Variants in TRPM3 observed in about 807,000 individuals in gnomAD.
TRPM3 encodes the protein long transient receptor potential channel 3.
Under a neutral mutation model 181.2 loss-of-function variants are expected in TRPM3, and 77 were observed. That is an observed-to-expected ratio of 0.42 (90% CI 0.35 to 0.51). TRPM3 has a LOEUF of 0.51. Ranked by LOEUF, TRPM3 falls within the 20% of genes least tolerant of loss-of-function variation. The pLI is 0.01. For missense variants in TRPM3, 1,759 were observed against 2,196.7 expected (o/e 0.80, Z 3.98); for synonymous variants, 745 against 796.4 (o/e 0.94, Z 1.09).
intron 1 of TRPM3, among the ~76,000 whole-genome samples, chr9:71,376,798 C>A (rs977157404): frequency 3.9e-5 from 6 of 152,074 alleles, no homozygotes; most frequent in African/African-American, 1.4e-4. Context: ...TTTCTGTTCA[C>A]AAATGCACAG....
chr9:70,683,336 C>A (rs2065925741), intron 8 of TRPM3, among the ~76,000 whole-genome samples: 1 of 151,722 alleles, frequency 6.6e-6, no homozygotes, highest in South Asian at 2.1e-4. Context: ...CCTTCCACTT[C>A]AGCCTCCTGA....
intron 1 of TRPM3, among the ~76,000 whole-genome samples, chr9:71,326,117 A>G (rs1374737562): frequency 2.0e-5 from 3 of 152,242 alleles, no homozygotes; most frequent in Non-Finnish European, 4.4e-5. Context: ...TGAAAGCCTT[A>G]AAATACGGGC....
intron 1 of TRPM3, among the ~76,000 whole-genome samples, chr9:71,077,314 C>T (rs1395952291): frequency 6.6e-6 from 1 of 152,162 alleles, no homozygotes. Context: ...CAAAGCCCAT[C>T]CTCCCTCCAA....
intron 25 of TRPM3, 62 bp from the exon 26 acceptor site, chr9:70,537,467 G>A: frequency 7.2e-7 from 1 of 1,380,094 alleles, no homozygotes; most frequent in Non-Finnish European, 9.4e-7. Context: ...GCTTTAGAGA[G>A]CAAGGATAAA....
At chr9:70,966,962 C>T (rs188381805) in intron 1 of TRPM3, among the ~76,000 whole-genome samples, 1 of 152,026 alleles carries the variant, frequency 6.6e-6, no homozygotes, top group Admixed American at 6.6e-5. Context: ...ATTTAATATA[C>T]TTAATATATA....
intron 8 of TRPM3, among the ~76,000 whole-genome samples, chr9:70,695,817 T>C (rs534758918): frequency 4.0e-4 from 61 of 152,188 alleles, no homozygotes; most frequent in Non-Finnish European, 6.5e-4. Flanking sequence ...CTGATGACCT[T>C]GACGCCGGAG....
chr9:70,624,950 AG>A (rs2064270348), intron 14 of TRPM3, among the ~76,000 whole-genome samples: 1 of 152,230 alleles, frequency 6.6e-6, no homozygotes, highest in African/African-American at 2.4e-5. Context: ...CATAGATAAA[AG>A]CTCCTTGAGG....
intron 1 of TRPM3, among the ~76,000 whole-genome samples, chr9:70,892,603 T>C (rs2096223893): frequency 7.6e-6 from 1 of 132,432 alleles, no homozygotes; most frequent in African/African-American, 3.2e-5. Context: ...ATTTACCCGT[T>C]TGACCTCAAA....
intron 7 of TRPM3, among the ~76,000 whole-genome samples, chr9:70,771,875 G>C (rs1393615931): frequency 6.6e-6 from 1 of 152,100 alleles, no homozygotes; most frequent in Non-Finnish European, 1.5e-5. Flanking sequence ...TATGGATTGT[G>C]TTTATTACTT....
At chr9:71,343,165 T>A (rs564875826) in intron 1 of TRPM3, among the ~76,000 whole-genome samples, 3 of 152,158 alleles carry the variant, frequency 2.0e-5, no homozygotes, top group South Asian at 2.1e-4. Flanking sequence ...GTATATTTTT[T>A]AAGTATAATT....
intron 1 of TRPM3, among the ~76,000 whole-genome samples, chr9:71,317,666 AAT>A (rs909032593): frequency 6.1e-5 from 6 of 97,750 alleles, no homozygotes; most frequent in South Asian, 7.6e-4. Context: ...AAAAAGAAAA[AAT>A]ATATATATAT....
chr9:70,928,976 T>G (rs2133382766), intron 1 of TRPM3, among the ~76,000 whole-genome samples: 1 of 152,266 alleles, frequency 6.6e-6, no homozygotes, highest in African/African-American at 2.4e-5. Context: ...TGAGAATTAT[T>G]ATGATTCCCA....
intron 1 of TRPM3, among the ~76,000 whole-genome samples, chr9:71,096,250 TGA>T (rs1376002749): frequency 6.7e-6 from 1 of 149,246 alleles, no homozygotes; most frequent in Non-Finnish European, 1.5e-5. Context: ...GCATAGACTG[TGA>T]GTCCCTCTTA....
At chr9:70,809,194 T>C (rs527982911) in intron 6 of TRPM3, among the ~76,000 whole-genome samples, 1 of 152,318 alleles carries the variant, frequency 6.6e-6, no homozygotes, top group East Asian at 1.9e-4. Context: ...CTAAGTATTA[T>C]TGCAAAATAG....
chr9:71,284,077 G>T (rs957027173), intron 1 of TRPM3, among the ~76,000 whole-genome samples: 1 of 151,686 alleles, frequency 6.6e-6, no homozygotes, highest in Non-Finnish European at 1.5e-5. Context: ...TAACCTTTGT[G>T]GTCCTTAGTG....
intron 1 of TRPM3, among the ~76,000 whole-genome samples, chr9:71,051,351 A>T (rs1454634844): frequency 6.6e-6 from 1 of 152,172 alleles, no homozygotes; most frequent in Non-Finnish European, 1.5e-5. Context: ...ACTAAATCAC[A>T]TTCATTATCT....
At chr9:71,174,080 C>T (rs762398631) in intron 1 of TRPM3, among the ~76,000 whole-genome samples, 20 of 151,892 alleles carry the variant, frequency 1.3e-4, no homozygotes, top group East Asian at 5.8e-4. Flanking sequence ...TATGTCTGTA[C>T]GAGTATTTAT....
In TRPM3 at chr9:71,221,291, G is replaced by C. The variant is rs142987047; in HGVS notation, c.183+225362C>G. Among the ~76,000 whole-genome samples the C allele has an allele frequency of 4.6e-4, 70 of 152,276 alleles. 1 individual carries two copies. Among genetic ancestry groups the C allele is most frequent in the African/African-American group, 1.4e-3 (58 of 41,566 alleles). ...TGCAATCTGGACATTTACTGGAAAAGTTTGCCGACCCTCATCCTACAGCAG... is the reference window on the plus strand; with the variant it reads ...TGCAATCTGGACATTTACTGGAAAACTTTGCCGACCCTCATCCTACAGCAG... On this transcript the variant is annotated intron_variant, in intron 1 of 24. Coordinates refer to the TRPM3 transcript ENST00000357533.
At chr9:70,654,444 G>A (rs561462573) in intron 9 of TRPM3, among the ~76,000 whole-genome samples, 1 of 152,126 alleles carries the variant, frequency 6.6e-6, no homozygotes, top group African/African-American at 2.4e-5. Flanking sequence ...TGATCACTTG[G>A]TGTTTTGAGC....
Sources: gnomAD v4.1 joint callset for allele counts (sites outside exome capture counted in the v4.1 genomes callset) on GRCh38, gnomAD v4.1.1 for gene constraint, MANE v1.5 for transcripts, NCBI Gene and HGNC (gene_info 2026-07-23, HGNC 2026-07-21) for gene names.